Variants in CCDC63 observed in about 807,000 individuals in gnomAD.
CCDC63 encodes coiled-coil domain-containing protein 63.
Under a neutral mutation model 63.6 loss-of-function variants are expected in CCDC63, and 54 were observed. The observed-to-expected ratio is 0.85, with a 90% CI of 0.68 to 1.07. CCDC63 has a LOEUF of 1.07. CCDC63 is among the 50% of genes least tolerant of loss of function. The pLI, the probability that CCDC63 is intolerant of heterozygous loss-of-function variation, is 0.00. For missense variants in CCDC63, 637 were observed against 689.6 expected (o/e 0.92, Z 0.86); for synonymous variants, 253 against 266.1 (o/e 0.95, Z 0.48).
At position 110,852,357 on chromosome 12, in the gene CCDC63, T is replaced by C. The variant is rs2070714934; in HGVS notation, c.-96-502T>C. ...TCACTGCAATCTTTGCCTCCAGGGT[T>C]CAAGCAATTCTCCTGCCTCAGCCTC... On this transcript the variant is annotated intron_variant, in intron 1 of 11. Transcript: ENST00000308208. 3.9e-5 allele frequency among the ~76,000 whole-genome samples: 6 copies of C among 152,184 alleles called. No homozygotes were observed. The South Asian group carries it at 1.2e-3, about 32-fold the overall frequency.
Position 110,853,474 on chromosome 12 carries a change from G to A in CCDC63, c.79G>A (p.Ala27Thr). Residue 27 changes from alanine to threonine, a missense_variant, in exon 3 of 12, where the codon GCG becomes ACG. Transcript: ENST00000308208. ...EPSEKAKEQQ[A>T]EAELRKLRQQ... ...TTCGGAGAAGGCCAAAGAGCAGCAG[G>A]CGGAGGCAGAGCTCCGGAAGCTAAG... The A allele has an allele frequency of 6.2e-7, 1 of 1,614,182 alleles. No individual in the cohort carries two copies. Among genetic ancestry groups the A allele is most frequent in the Non-Finnish European group, 8.5e-7 (1 of 1,180,022 alleles).
chr12:110,868,112 G>A (rs1357593935), intron 4 of CCDC63, among the ~76,000 whole-genome samples: 118 of 149,042 alleles, frequency 7.9e-4, no homozygotes, highest in African/African-American at 2.6e-3. Flanking sequence ...GGGCAGAGGC[G>A]CTCCCCACAT....
intron 9 of CCDC63, among the ~76,000 whole-genome samples, chr12:110,898,534 C>G (rs1302405113): frequency 6.7e-6 from 1 of 150,240 alleles, no homozygotes; most frequent in Admixed American, 6.7e-5. Context: ...ATGAGAATTG[C>G]TTGAACCTGG....
intron 8 of CCDC63, among the ~76,000 whole-genome samples, chr12:110,886,361 G>A (rs1305853317): frequency 1.3e-5 from 2 of 152,108 alleles, no homozygotes; most frequent in Admixed American, 1.3e-4. Flanking sequence ...ACTCCAGCCT[G>A]GGTGATACAG....
intron 11 of CCDC63, among the ~76,000 whole-genome samples, chr12:110,905,241 CT>C (rs2071544257): frequency 6.6e-6 from 1 of 152,038 alleles, no homozygotes; most frequent in South Asian, 2.1e-4. Flanking sequence ...TCCTTGGCCC[CT>C]CCCCATTTTT....
At chr12:110,886,259 C>T (rs2071277110) in intron 8 of CCDC63, among the ~76,000 whole-genome samples, 1 of 152,138 alleles carries the variant, frequency 6.6e-6, no homozygotes. Context: ...TAGTGGCCTG[C>T]ACCTGCAATC....
At chr12:110,898,274 G>C (rs2071438230) in intron 9 of CCDC63, among the ~76,000 whole-genome samples, 1 of 151,712 alleles carries the variant, frequency 6.6e-6, no homozygotes, top group Non-Finnish European at 1.5e-5. Context: ...AGGTGACAGA[G>C]TGAGACCTTG....
rs573668461 is a variant in CCDC63, at chr12:110,884,084, A to G, written c.908A>G (p.Tyr303Cys). 3.1e-6 allele frequency: 5 copies of G among 1,614,200 alleles called. No individual in the cohort carries two copies. The South Asian group carries it at 3.3e-5, about 11-fold the overall frequency. ...KKNRGESFES[Y>C]EVAHLRLLKL... ...AACAGGGGAGAGAGTTTTGAGAGCT[A>G]TGAGGTGGCCCACCTCCGGCTGCTG... Residue 303 changes from tyrosine (Y) to cysteine (C), a missense_variant, in exon 8 of 12, where the codon TAT (tyrosine) becomes TGT (cysteine). Coordinates refer to ENST00000308208, the MANE Select transcript of CCDC63 (RefSeq NM_152591.3).
At chr12:110,894,551 T>C (rs1329895893) in intron 9 of CCDC63, among the ~76,000 whole-genome samples, 2 of 152,198 alleles carry the variant, frequency 1.3e-5, no homozygotes, top group African/African-American at 2.4e-5. Context: ...TCTAGGCCAC[T>C]GGATGGCAGC....
chr12:110,893,421 G>C (rs1340849635), intron 9 of CCDC63, among the ~76,000 whole-genome samples: 2 of 152,124 alleles, frequency 1.3e-5, no homozygotes, highest in Non-Finnish European at 2.9e-5. Flanking sequence ...AGTCCAGCCC[G>C]GGCTCTTGGG....
chr12:110,849,765 C>T (rs566308150), intron 1 of CCDC63, among the ~76,000 whole-genome samples: 1 of 152,274 alleles, frequency 6.6e-6, no homozygotes, highest in African/African-American at 2.4e-5. Flanking sequence ...TCTCAAAGTG[C>T]TGGGATTACA....
intron 9 of CCDC63, among the ~76,000 whole-genome samples, chr12:110,895,885 C>G (rs1021185965): frequency 3.9e-5 from 6 of 152,154 alleles, no homozygotes; most frequent in African/African-American, 1.4e-4. Context: ...AAGAGTTGAG[C>G]TCAAGGTCAA....
chr12:110,854,293 C>T (rs866798344), intron 3 of CCDC63, among the ~76,000 whole-genome samples: 37 of 101,550 alleles, frequency 3.6e-4, no homozygotes, highest in Admixed American at 8.7e-4. Flanking sequence ...TTTCTTTTCT[C>T]TTTTTTTTTT....
intron 8 of CCDC63, among the ~76,000 whole-genome samples, chr12:110,887,188 C>T (rs1272812992): frequency 7.9e-5 from 12 of 151,900 alleles, no homozygotes; most frequent in Non-Finnish European, 1.8e-4. Flanking sequence ...ACTGTAGTGG[C>T]ACGATCTTGG....
In CCDC63 at chr12:110,907,287, G is replaced by T. The variant is rs770386897; in HGVS notation, c.1547-44G>T. The T allele has an allele frequency of 5.0e-6, 8 of 1,594,764 alleles. No homozygotes were observed. The South Asian group carries it at 9.0e-5, about 18-fold the overall frequency. ...CAAACCAGGCTTAGCCCCAGCCCTG[G>T]GGTTGATTTCCCAGCACCTCACACA... On this transcript the variant is annotated intron_variant, in intron 11 of 11. Transcript: ENST00000308208. This position sits in a 1 kb window ranked among gnomAD's most constrained non-coding sequence, Gnocchi z 4.4.
chr12:110,881,321 T>C (rs747567510), intron 7 of CCDC63, 25 bp downstream of exon 7: 52 of 1,603,912 alleles, frequency 3.2e-5, no homozygotes, highest in Non-Finnish European at 4.2e-5. Context: ...AGCAAGCTTG[T>C]GCTCTCTCAC....
intron 3 of CCDC63, among the ~76,000 whole-genome samples, chr12:110,854,708 A>G (rs1267256154): frequency 6.6e-6 from 1 of 152,180 alleles, no homozygotes. Context: ...AGCTGCATCC[A>G]TATTGTTTAT....
intron 10 of CCDC63, among the ~76,000 whole-genome samples, chr12:110,902,169 T>G (rs987959945): frequency 5.9e-5 from 9 of 152,136 alleles, no homozygotes; most frequent in African/African-American, 2.2e-4. Context: ...GCCACTCTTA[T>G]CAGTTAATGG....
At chr12:110,878,744 G>A (rs2071163647) in intron 5 of CCDC63, among the ~76,000 whole-genome samples, 1 of 152,162 alleles carries the variant, frequency 6.6e-6, no homozygotes, top group Non-Finnish European at 1.5e-5. Context: ...TATTTCCTTT[G>A]GGTGTATGCC....
Sources: gnomAD v4.1 joint callset for allele counts (sites outside exome capture counted in the v4.1 genomes callset) on GRCh38, gnomAD v4.1.1 for gene constraint, Gnocchi (gnomAD v3.1) non-coding constraint, MANE v1.5 for transcripts, NCBI Gene and HGNC (gene_info 2026-07-23, HGNC 2026-07-21) for gene names.